The following ST6GALNAC3 variants were observed in gnomAD, a reference collection of about 807,000 sequenced individuals.
ST6GALNAC3 encodes alpha-N-acetylgalactosaminide alpha-2,6-sialyltransferase 3.
Under a neutral mutation model 32.7 loss-of-function variants are expected in ST6GALNAC3, and 25 were observed. The ratio of observed to expected loss-of-function variants is 0.76; its 90% confidence interval spans 0.56 to 1.07. ST6GALNAC3 has a LOEUF of 1.07. Ranked by LOEUF, ST6GALNAC3 falls within the 50% of genes least tolerant of loss-of-function variation. The probability of loss-of-function intolerance (pLI) is 0.00; values close to 1 mark genes in which losing one functional copy is unlikely to be tolerated. For missense variants in ST6GALNAC3, 355 were observed against 382.4 expected, an observed-to-expected ratio of 0.93 and a Z score of 0.60; for synonymous variants, 129 against 133.1, an observed-to-expected ratio of 0.97 and a Z score of 0.21.
At chr1:76,357,281 TACACCACCA>T (rs1649557334) in intron 2 of ST6GALNAC3, among the ~76,000 whole-genome samples, 1 of 151,996 alleles carries the variant, frequency 6.6e-6, no homozygotes, top group South Asian at 2.1e-4. Context: ...TTTACAGGCA[TACACCACCA>T]TGCCCAGCTA....
intron 2 of ST6GALNAC3, among the ~76,000 whole-genome samples, chr1:76,355,143 G>A (rs1649332085): frequency 6.6e-6 from 1 of 151,980 alleles, no homozygotes; most frequent in Non-Finnish European, 1.5e-5. Flanking sequence ...CCTCACAATG[G>A]ATTAATTTTT....
chr1:76,233,673 A>G (rs983577246), intron 1 of ST6GALNAC3, among the ~76,000 whole-genome samples: 4 of 152,186 alleles, frequency 2.6e-5, no homozygotes, highest in African/African-American at 9.6e-5. Flanking sequence ...CATCTACAGT[A>G]TATCATTTAC....
At chr1:76,277,035 C>T (rs954895424) in intron 1 of ST6GALNAC3, among the ~76,000 whole-genome samples, 1 of 151,972 alleles carries the variant, frequency 6.6e-6, no homozygotes, top group Non-Finnish European at 1.5e-5. Flanking sequence ...TGTAGAAGTT[C>T]TTGTATGTTC....
chr1:76,181,725 G>T (rs937509841), intron 1 of ST6GALNAC3, among the ~76,000 whole-genome samples: 8 of 152,122 alleles, frequency 5.3e-5, no homozygotes, highest in Admixed American at 2.0e-4. Context: ...TTTGGTGTCA[G>T]CCACACACTT....
intron 3 of ST6GALNAC3, among the ~76,000 whole-genome samples, chr1:76,621,663 T>C (rs1202401899): frequency 6.6e-6 from 1 of 152,056 alleles, no homozygotes; most frequent in East Asian, 1.9e-4. Flanking sequence ...CAATATTAGA[T>C]TGAATCCCAA....
At chr1:76,101,437 T>C (rs557294100) in intron 1 of ST6GALNAC3, among the ~76,000 whole-genome samples, 1 of 152,274 alleles carries the variant, frequency 6.6e-6, no homozygotes, top group African/African-American at 2.4e-5. Flanking sequence ...TTGCTCCAAG[T>C]TTTGGCACTT....
intron 3 of ST6GALNAC3, 149 bp from the exon 4 acceptor site, chr1:76,627,303 G>GACATATTGTCAAGTTTCTCAACTCTTT: frequency 1.7e-6 from 1 of 599,628 alleles, no homozygotes; most frequent in Non-Finnish European, 3.0e-6. Flanking sequence ...GTGCATCTTT[G>GACATATTGTCAAGTTTCTCAACTCTTT]ACATATTGTC....
chr1:76,623,179 G>A (rs937535803), intron 3 of ST6GALNAC3, among the ~76,000 whole-genome samples: 8 of 151,932 alleles, frequency 5.3e-5, no homozygotes, highest in Non-Finnish European at 8.8e-5. Context: ...TATCTTAAAT[G>A]ATATGTCTTC....
chr1:76,393,512 A>G (rs144252629), intron 2 of ST6GALNAC3, among the ~76,000 whole-genome samples: 1 of 152,226 alleles, frequency 6.6e-6, no homozygotes, highest in African/African-American at 2.4e-5. Context: ...ACCTCCTGAT[A>G]TTTTTCTAAG....
chr1:76,365,136 C>T (rs543234616), intron 2 of ST6GALNAC3, among the ~76,000 whole-genome samples: 9 of 152,252 alleles, frequency 5.9e-5, no homozygotes, highest in East Asian at 1.9e-4. Context: ...TGGAATACTA[C>T]GCAGCCATAG....
intron 1 of ST6GALNAC3, among the ~76,000 whole-genome samples, chr1:76,101,507 G>A (rs1361216978): frequency 6.6e-6 from 1 of 152,146 alleles, no homozygotes; most frequent in Non-Finnish European, 1.5e-5. Flanking sequence ...GATTTGTGTG[G>A]TAAGAGTGTT....
intron 1 of ST6GALNAC3, among the ~76,000 whole-genome samples, chr1:76,142,481 G>A (rs1650392508): frequency 1.3e-5 from 2 of 152,136 alleles, no homozygotes; most frequent in Non-Finnish European, 1.5e-5. Context: ...AGGGGAAGAG[G>A]AGGAAAGGTA....
At chr1:76,437,048 T>A (rs1224995071) in intron 3 of ST6GALNAC3, among the ~76,000 whole-genome samples, 2 of 152,112 alleles carry the variant, frequency 1.3e-5, no homozygotes, top group South Asian at 2.1e-4. Flanking sequence ...ACCTACTTGT[T>A]TAAGGGTTTT....
intron 3 of ST6GALNAC3, among the ~76,000 whole-genome samples, chr1:76,445,482 A>G (rs957062272): frequency 7.2e-5 from 11 of 152,194 alleles, no homozygotes; most frequent in Admixed American, 3.3e-4. Flanking sequence ...GTATGTGTTG[A>G]ATTAGAAGTT....
intron 3 of ST6GALNAC3, among the ~76,000 whole-genome samples, chr1:76,532,078 AC>A (rs1663293355): frequency 6.6e-6 from 1 of 151,880 alleles, no homozygotes; most frequent in Non-Finnish European, 1.5e-5. Context: ...TTCATATCTG[AC>A]CCCAAATTAT....
At chr1:76,168,056 T>C (rs1057077295) in intron 1 of ST6GALNAC3, among the ~76,000 whole-genome samples, 1 of 152,136 alleles carries the variant, frequency 6.6e-6, no homozygotes, top group African/African-American at 2.4e-5. Context: ...CTAGATTCTC[T>C]AGTTCTTTAG....
chr1:76,409,315 C>T (rs2101277122), intron 2 of ST6GALNAC3, among the ~76,000 whole-genome samples: 1 of 152,174 alleles, frequency 6.6e-6, no homozygotes, highest in South Asian at 2.1e-4. Flanking sequence ...AGTTTTAAGA[C>T]AACTCATAAA....
At chr1:76,217,703 G>A (rs1031067204) in intron 1 of ST6GALNAC3, among the ~76,000 whole-genome samples, 3 of 152,148 alleles carry the variant, frequency 2.0e-5, no homozygotes, top group Non-Finnish European at 2.9e-5. Flanking sequence ...AAAGTCCATT[G>A]TATCATTCTT....
At chr1:76,081,164 C>T (rs1196336129) in intron 1 of ST6GALNAC3, among the ~76,000 whole-genome samples, 1 of 151,952 alleles carries the variant, frequency 6.6e-6, no homozygotes, top group Non-Finnish European at 1.5e-5. Context: ...TGGGGTTCAC[C>T]CTGACTTCGT....
Sources: allele counts gnomAD v4.1 joint callset (sites outside exome capture counted in the v4.1 genomes callset), GRCh38; gene constraint gnomAD v4.1.1; transcripts MANE v1.5; gene names NCBI Gene and HGNC (gene_info 2026-07-23, HGNC 2026-07-21).